Variants in TCERG1L observed in about 807,000 individuals in gnomAD.
TCERG1L encodes transcription elongation regulator 1 like.
TCERG1L carries 37 observed loss-of-function variants against 56.3 expected under a neutral mutation model. The ratio of observed to expected loss-of-function variants is 0.66; its 90% CI spans 0.51 to 0.87. The LOEUF (loss-of-function observed/expected upper bound fraction) is 0.87. Among genes scored for constraint, TCERG1L ranks in the 40% least tolerant of loss-of-function variants. The pLI, the probability that TCERG1L is intolerant of heterozygous loss-of-function variation, is 0.00. For synonymous variants in TCERG1L, 324 were observed against 326.3 expected (o/e 0.99, Z 0.08); for missense variants, 799 against 774.2 (o/e 1.03, Z -0.38).
intron 4 of TCERG1L, among the ~76,000 whole-genome samples, chr10:131,200,384 C>A (rs956653292): frequency 7.9e-5 from 12 of 152,216 alleles, no homozygotes; most frequent in African/African-American, 2.9e-4. Context: ...AGGGCCCAAC[C>A]CCTGCTCCTG....
chr10:131,221,850 T>G (rs1462280971), intron 4 of TCERG1L, among the ~76,000 whole-genome samples: 1 of 152,224 alleles, frequency 6.6e-6, no homozygotes, highest in African/African-American at 2.4e-5. Flanking sequence ...TGCCTCCACG[T>G]TGGGAGTACC....
chr10:131,114,678 A>G (rs138659525), intron 9 of TCERG1L, among the ~76,000 whole-genome samples: 1 of 152,262 alleles, frequency 6.6e-6, no homozygotes, highest in African/African-American at 2.4e-5. Context: ...ATGTAAACTG[A>G]GTCTGATAGC....
chr10:131,182,088 C>T (rs1326980633), intron 4 of TCERG1L, among the ~76,000 whole-genome samples: 1 of 152,022 alleles, frequency 6.6e-6, no homozygotes. Flanking sequence ...CATATGTGTG[C>T]ACATAGCATG....
At chr10:131,094,152 A>C (rs551062159) in intron 11 of TCERG1L, among the ~76,000 whole-genome samples, 1 of 152,200 alleles carries the variant, frequency 6.6e-6, no homozygotes, top group Non-Finnish European at 1.5e-5. Context: ...CGGGCCCCGC[A>C]ACTTCCTGTT....
At position 131,201,825 on chromosome 10, in the gene TCERG1L, T is replaced by C. The variant is rs191955545; in HGVS notation, c.857-34940A>G. Among the ~76,000 whole-genome samples the C allele has an allele frequency of 7.8e-4, 119 of 152,272 alleles. 1 individual carries two copies. The highest frequency in any genetic ancestry group is 2.5e-3 in the African/African-American group (102 of 41,556). On this transcript the variant is annotated intron_variant, in intron 4 of 11. Coordinates refer to ENST00000368642, the MANE Select transcript of TCERG1L (RefSeq NM_174937.4). Reference sequence around the variant, plus strand: ...GAGTGAGTTTTTCAGAGCTGCCGGCTTTGCTAAACATGGCTGCTCTTTTAC... The same window carrying C: ...GAGTGAGTTTTTCAGAGCTGCCGGCCTTGCTAAACATGGCTGCTCTTTTAC...
intron 8 of TCERG1L, among the ~76,000 whole-genome samples, chr10:131,132,848 G>A (rs1017349178): frequency 2.0e-5 from 3 of 152,164 alleles, no homozygotes; most frequent in African/African-American, 7.2e-5. Flanking sequence ...GGTGGGAGGC[G>A]TCCTCCCTCC....
intron 4 of TCERG1L, among the ~76,000 whole-genome samples, chr10:131,179,468 C>G (rs908313846): frequency 1.3e-5 from 2 of 152,206 alleles, no homozygotes; most frequent in Non-Finnish European, 2.9e-5. Flanking sequence ...CAGAACACAG[C>G]CCTGCCCTCC....
At chr10:131,253,210 C>T (rs753184983) in intron 4 of TCERG1L, among the ~76,000 whole-genome samples, 7 of 152,180 alleles carry the variant, frequency 4.6e-5, no homozygotes, top group African/African-American at 7.2e-5. Context: ...ATTTGAGCAC[C>T]GTGTCTCTAT....
intron 9 of TCERG1L, among the ~76,000 whole-genome samples, chr10:131,116,441 C>T (rs1007608271): frequency 5.9e-5 from 9 of 152,252 alleles, no homozygotes; most frequent in African/African-American, 9.6e-5. Context: ...CCCCACCTGC[C>T]GGCCTCTCAG....
chr10:131,245,573 C>T (rs1846024079), intron 4 of TCERG1L, among the ~76,000 whole-genome samples: 2 of 152,262 alleles, frequency 1.3e-5, no homozygotes, highest in Admixed American at 6.5e-5. Context: ...TGACCAAGCC[C>T]GCAGCTCACG....
intron 6 of TCERG1L, among the ~76,000 whole-genome samples, chr10:131,149,679 A>G (rs1347587953): frequency 3.3e-5 from 5 of 152,184 alleles, no homozygotes; most frequent in Non-Finnish European, 2.9e-5. Context: ...TTAGCTCCCC[A>G]CGAGGCCTGG....
chr10:131,185,069 C>A (rs1289567104), intron 4 of TCERG1L, among the ~76,000 whole-genome samples: 5 of 152,036 alleles, frequency 3.3e-5, no homozygotes, highest in African/African-American at 1.2e-4. Flanking sequence ...ACACTCCAGC[C>A]TGGGTGACAG....
chr10:131,099,780 C>T (rs1028827197), intron 10 of TCERG1L, among the ~76,000 whole-genome samples: 2 of 152,134 alleles, frequency 1.3e-5, no homozygotes, highest in African/African-American at 2.4e-5. Flanking sequence ...GATACAGCAG[C>T]GAAATGAAAC....
At chr10:131,268,181 A>C (rs1025504045) in intron 3 of TCERG1L, among the ~76,000 whole-genome samples, 10 of 152,214 alleles carry the variant, frequency 6.6e-5, no homozygotes, top group South Asian at 6.2e-4. Flanking sequence ...TGGAAGACCC[A>C]GCTGCACCTC....
intron 3 of TCERG1L, among the ~76,000 whole-genome samples, chr10:131,302,373 C>A (rs1475828048): frequency 6.9e-6 from 1 of 145,814 alleles, no homozygotes; most frequent in Non-Finnish European, 1.5e-5. Context: ...TATATTTTTT[C>A]TTTTTCTCAT....
intron 4 of TCERG1L, among the ~76,000 whole-genome samples, chr10:131,171,440 G>A (rs1223200860): frequency 2.0e-5 from 3 of 152,122 alleles, no homozygotes; most frequent in Admixed American, 6.5e-5. Flanking sequence ...AGACTCAAAG[G>A]TATCATCATC....
At chr10:131,133,011 G>A (rs899860940) in intron 8 of TCERG1L, among the ~76,000 whole-genome samples, 1 of 152,230 alleles carries the variant, frequency 6.6e-6, no homozygotes, top group East Asian at 1.9e-4. Flanking sequence ...GCTTGGGGAA[G>A]ACACTGTTAT....
chr10:131,245,742 C>G (rs1846026781), intron 4 of TCERG1L, among the ~76,000 whole-genome samples: 1 of 152,284 alleles, frequency 6.6e-6, no homozygotes, highest in Non-Finnish European at 1.5e-5. Flanking sequence ...TCATAAAGAG[C>G]TGGTCGAGTT....
In TCERG1L at chr10:131,195,543, G is replaced by A. The variant is rs575117723; in HGVS notation, c.857-28658C>T. On this transcript the variant is annotated intron_variant, in intron 4 of 11. Coordinates refer to ENST00000368642, the MANE Select transcript of TCERG1L (RefSeq NM_174937.4). ...CTGCTCTTCCCAATCCCCCTCCCCT[G>A]TACCCCGAGAGCTTTCTATGAGAGG... 3.3e-5 allele frequency among the ~76,000 whole-genome samples: 5 copies of A among 152,270 alleles called. No homozygotes were observed. In the South Asian group the frequency reaches 1.0e-3, roughly 32 times the overall value.
Sources: allele counts gnomAD v4.1 joint callset (sites outside exome capture counted in the v4.1 genomes callset), GRCh38; gene constraint gnomAD v4.1.1; transcripts MANE v1.5; gene names NCBI Gene and HGNC (gene_info 2026-07-23, HGNC 2026-07-21).